RYR2: variants seen among roughly 807,000 people sequenced by gnomAD.
RYR2 encodes the protein cardiac muscle ryanodine receptor-calcium release channel.
A neutral mutation model predicts 601.1 loss-of-function variants in RYR2; 227 were observed. The ratio of observed to expected loss-of-function variants is 0.38; its 90% CI spans 0.34 to 0.42. The LOEUF is 0.42. RYR2 is among the 10% of genes least tolerant of loss of function. RYR2 has a pLI of 1.00. For synonymous variants in RYR2, 2,223 were observed against 2,175.1 expected, an observed-to-expected ratio of 1.02 and a Z score of -0.61; for missense variants, 4,646 against 6,156.5, an observed-to-expected ratio of 0.75 and a Z score of 8.21.
intron 80 of RYR2, among the ~76,000 whole-genome samples, chr1:237,754,765 A>G (rs1558347531): frequency 6.6e-6 from 1 of 152,248 alleles, no homozygotes; most frequent in Admixed American, 6.5e-5. Context: ...CCTGAAGAGC[A>G]GACGAAAGGG....
intron 40 of RYR2, 141 bp from the exon 41 acceptor site, chr1:237,627,666 C>A: frequency 1.2e-6 from 1 of 816,028 alleles, no homozygotes; most frequent in East Asian, 2.7e-5. Context: ...AGGTTATTTT[C>A]TTCAAAGAAT....
rs991828241 is a variant in RYR2, at chr1:237,403,902, GA to G, written c.774-13146del. Among the ~76,000 whole-genome samples, 160 of 152,318 alleles carry G rather than the reference GA, an allele frequency of 1.1e-3. 1 individual carries two copies. Among genetic ancestry groups the G allele is most frequent in the African/African-American group, 3.6e-3 (151 of 41,560 alleles). ...TACGAGAGTTAAATCAGAGGATACTGAGTGAATAAAATAATGATAATGATGA... is the reference window on the plus strand; with the variant it reads ...TACGAGAGTTAAATCAGAGGATACTGGTGAATAAAATAATGATAATGATGA... On this transcript the variant is annotated intron_variant, in intron 10 of 104. Transcript: ENST00000366574.
chr1:237,356,733 A>C (rs1699329685), intron 4 of RYR2, among the ~76,000 whole-genome samples: 1 of 152,136 alleles, frequency 6.6e-6, no homozygotes. Context: ...GAGAGAGGAA[A>C]TACACCAAGG....
At chr1:237,468,468 A>G (rs1660324133) in intron 16 of RYR2, among the ~76,000 whole-genome samples, 1 of 152,220 alleles carries the variant, frequency 6.6e-6, no homozygotes, top group Non-Finnish European at 1.5e-5. Context: ...AGCTAGAATC[A>G]GTTTCTTTAC....
intron 1 of RYR2, among the ~76,000 whole-genome samples, chr1:237,136,508 C>T (rs1672793260): frequency 6.6e-6 from 1 of 152,116 alleles, no homozygotes; most frequent in Non-Finnish European, 1.5e-5. Flanking sequence ...AAGAACACAC[C>T]CTGCCTCCTC....
chr1:237,328,160 C>G (rs914568699), intron 2 of RYR2, among the ~76,000 whole-genome samples: 1 of 152,058 alleles, frequency 6.6e-6, no homozygotes, highest in African/African-American at 2.4e-5. Flanking sequence ...CATTTTTTTT[C>G]AAGTCAGTTC....
At position 237,311,193 on chromosome 1, in the gene RYR2, A is replaced by T. The variant is rs74584542; in HGVS notation, c.169-19685A>T. ...ACACAAGTTGAAAATTATACTGGTT[A>T]TGTAAACACAAATGGGGAAAATCTA... is the stretch of plus-strand genomic sequence containing the variant. On this transcript the variant is annotated intron_variant, in intron 2 of 104. Coordinates refer to ENST00000366574, the MANE Select transcript of RYR2 (RefSeq NM_001035.3). Among the ~76,000 whole-genome samples the T allele has an allele frequency of 2.2e-4, 33 of 152,336 alleles. No individual in the cohort carries two copies. The East Asian group carries it at 6.4e-3, about 29-fold the overall frequency.
At chr1:237,086,053 C>A (rs1666292925) in intron 1 of RYR2, among the ~76,000 whole-genome samples, 1 of 152,256 alleles carries the variant, frequency 6.6e-6, no homozygotes, top group Admixed American at 6.5e-5. Flanking sequence ...CTGCACCCAG[C>A]CTGCTTCTGA....
Position 237,665,676 on chromosome 1 carries a change from T to C in RYR2, c.8437-836T>C, listed in dbSNP as rs531839141. On this transcript the variant is annotated intron_variant, in intron 56 of 104. Transcript: ENST00000366574. ...GAAAGGCACAGAAGCCAGGGTGCTGTCAAAACTGACCCGTAAGTTAAGTAT... is the reference window on the plus strand; with the variant it reads ...GAAAGGCACAGAAGCCAGGGTGCTGCCAAAACTGACCCGTAAGTTAAGTAT... Among the ~76,000 whole-genome samples, 8 of 152,342 alleles carry C rather than the reference T, an allele frequency of 5.3e-5. No homozygotes were observed. In the South Asian group the frequency reaches 1.7e-3, roughly 32 times the overall value.
chr1:237,175,492 A>G (rs886737146), intron 1 of RYR2, among the ~76,000 whole-genome samples: 2 of 151,976 alleles, frequency 1.3e-5, no homozygotes, highest in African/African-American at 2.4e-5. Context: ...GTCTGTCTCT[A>G]TGTACCTACC....
chr1:237,679,935 C>T (rs186383797), intron 61 of RYR2, among the ~76,000 whole-genome samples: 9 of 152,138 alleles, frequency 5.9e-5, no homozygotes, highest in East Asian at 5.8e-4. Flanking sequence ...ATGAAACATG[C>T]GTAGAAATGG....
Position 237,630,488 on chromosome 1 carries a change from T to C in RYR2, c.6441-939T>C, listed in dbSNP as rs184454675. The stretch of plus-strand genomic sequence containing the variant: ...GCAAAAATCATACTATCCCACTTTC[T>C]TGATATAGCCAGAGTAACTAAAGTT... On this transcript the variant is annotated intron_variant, in intron 41 of 104. Coordinates refer to ENST00000366574, the MANE Select transcript of RYR2 (RefSeq NM_001035.3). 4.0e-3 allele frequency among the ~76,000 whole-genome samples: 605 copies of C among 152,292 alleles called. 2 individuals are homozygous for C. Among genetic ancestry groups the C allele is most frequent in the Non-Finnish European group, 4.8e-3 (326 of 67,990 alleles).
intron 80 of RYR2, among the ~76,000 whole-genome samples, chr1:237,745,648 G>A (rs1692009667): frequency 6.6e-6 from 1 of 152,192 alleles, no homozygotes; most frequent in African/African-American, 2.4e-5. Context: ...TTAATATTTA[G>A]ACACTAGGAT....
chr1:237,549,871 C>A lies in RYR2; in HGVS notation c.3067-673C>A, dbSNP rs1356407116. On this transcript the variant is annotated intron_variant, in intron 26 of 104. Transcript: ENST00000366574. The stretch of plus-strand genomic sequence containing the variant: ...CTCCCCGATCCCATGGAATTCAGTT[C>A]TGTACTCTAATATTAAGCATCCTTT... 2.6e-5 allele frequency among the ~76,000 whole-genome samples: 4 copies of A among 152,238 alleles called. No individual in the cohort carries two copies. The East Asian group carries it at 7.7e-4, about 29-fold the overall frequency.
intron 24 of RYR2, among the ~76,000 whole-genome samples, chr1:237,523,873 C>T (rs1369871088): frequency 6.9e-6 from 1 of 144,492 alleles, no homozygotes; most frequent in Non-Finnish European, 1.5e-5. Context: ...TACTACCTTA[C>T]ACACAATAAA....
chr1:237,375,659 A>G (rs1387063013), intron 7 of RYR2, among the ~76,000 whole-genome samples: 1 of 152,194 alleles, frequency 6.6e-6, no homozygotes, highest in African/African-American at 2.4e-5. Flanking sequence ...CGTCTTATAA[A>G]AGAAATTCCA....
In RYR2 at chr1:237,722,200, T is replaced by C. The variant is rs113961845; in HGVS notation, c.10555-928T>C. Among the ~76,000 whole-genome samples, 1,277 of 152,270 alleles carry C rather than the reference T, an allele frequency of 8.4e-3. 18 individuals carry two copies. Among genetic ancestry groups the C allele is most frequent in the African/African-American group, 0.029 (1,220 of 41,550 alleles). On this transcript the variant is annotated intron_variant, in intron 73 of 104. Coordinates refer to ENST00000366574, the MANE Select transcript of RYR2 (RefSeq NM_001035.3). ...TGAATGGGGAGGAGAAGAGCATGGG[T>C]AGCCTTACCCATTTTGTTTTCCAGT...
chr1:237,776,747 C>T (rs544366197), intron 87 of RYR2, among the ~76,000 whole-genome samples: 38 of 152,048 alleles, frequency 2.5e-4, no homozygotes, highest in African/African-American at 7.7e-4. Flanking sequence ...AGGTCTCTTC[C>T]GGGGCACATG....
intron 10 of RYR2, among the ~76,000 whole-genome samples, chr1:237,404,025 G>A (rs994324975): frequency 6.6e-6 from 1 of 152,182 alleles, no homozygotes; most frequent in Non-Finnish European, 1.5e-5. Flanking sequence ...AGACTCAGGT[G>A]GGTGGATTGC....
Sources: allele counts gnomAD v4.1 joint callset (sites outside exome capture counted in the v4.1 genomes callset), GRCh38; gene constraint gnomAD v4.1.1; transcripts MANE v1.5; gene names NCBI Gene and HGNC (gene_info 2026-07-23, HGNC 2026-07-21).